SLC27A6: variants seen among roughly 807,000 people sequenced by gnomAD.
SLC27A6 encodes long-chain fatty acid transport protein 6.
SLC27A6 carries 74 observed loss-of-function variants against 63.9 expected under a neutral mutation model. The ratio of observed to expected loss-of-function variants is 1.16; its 90% CI spans 0.96 to 1.40. The LOEUF (loss-of-function observed/expected upper bound fraction) is 1.40, where lower values mean the gene tolerates loss of function less well. Among genes scored for constraint, SLC27A6 ranks in the 40% most tolerant of loss-of-function variants. The pLI is 0.00. For missense variants in SLC27A6, 794 were observed against 732.9 expected, an observed-to-expected ratio of 1.08 and a Z score of -0.96; for synonymous variants, 287 against 260.8, an observed-to-expected ratio of 1.10 and a Z score of -0.97.
intron 6 of SLC27A6, 53 bp downstream of exon 6, chr5:129,023,763 A>T: frequency 7.9e-7 from 1 of 1,264,176 alleles, no homozygotes. Context: ...GATCTCCTGT[A>T]TACAGACATC....
At chr5:128,967,210 T>C (rs1290820080) in intron 1 of SLC27A6, among the ~76,000 whole-genome samples, 2 of 151,978 alleles carry the variant, frequency 1.3e-5, no homozygotes, top group Admixed American at 6.6e-5. Context: ...CATCCTTTTC[T>C]TTTTTTGACT....
chr5:128,968,842 C>T (rs1018402748), intron 1 of SLC27A6, among the ~76,000 whole-genome samples: 2 of 152,170 alleles, frequency 1.3e-5, no homozygotes, highest in African/African-American at 4.8e-5. Flanking sequence ...CTTGCCCATG[C>T]CTATGTCCTG....
rs192749792 is a variant in SLC27A6 at position 129,024,525 on chromosome 5, T to C, written c.1255+815T>C. 1.1e-3 allele frequency among the ~76,000 whole-genome samples: 165 copies of C among 152,222 alleles called. No homozygotes were observed. The East Asian group carries it at 0.02, about 18-fold the overall frequency. On this transcript the variant is annotated intron_variant, in intron 6 of 9. Coordinates refer to ENST00000262462, the MANE Select transcript of SLC27A6 (RefSeq NM_001017372.3). The stretch of plus-strand genomic sequence containing the variant: ...ATTAAATGGGATGTATATATATTCC[T>C]GGGGGACCTGGTATGTGGCTTGTTA...
chr5:129,004,243 G>A (rs1410131866), intron 4 of SLC27A6, among the ~76,000 whole-genome samples: 1 of 152,076 alleles, frequency 6.6e-6, no homozygotes, highest in East Asian at 1.9e-4. Flanking sequence ...ACTGTGTTTA[G>A]GTTTCTATAA....
intron 9 of SLC27A6, among the ~76,000 whole-genome samples, chr5:129,032,500 A>G (rs964510561): frequency 2.0e-5 from 3 of 152,158 alleles, no homozygotes; most frequent in Non-Finnish European, 4.4e-5. Flanking sequence ...ACAAATTACT[A>G]TTGAAACTGT....
At chr5:129,010,814 C>T (rs533901125) in intron 4 of SLC27A6, among the ~76,000 whole-genome samples, 2 of 152,184 alleles carry the variant, frequency 1.3e-5, no homozygotes, top group East Asian at 3.9e-4. Context: ...GAGATACTTC[C>T]AAGAGTCTCC....
intron 6 of SLC27A6, among the ~76,000 whole-genome samples, chr5:129,025,216 T>G (rs1037008580): frequency 2.6e-5 from 4 of 152,170 alleles, no homozygotes; most frequent in African/African-American, 9.7e-5. Flanking sequence ...CATTGTGTCT[T>G]CACAATGTAA....
At chr5:128,968,236 C>G (rs1165411266) in intron 1 of SLC27A6, among the ~76,000 whole-genome samples, 2 of 152,118 alleles carry the variant, frequency 1.3e-5, no homozygotes, top group African/African-American at 4.8e-5. Flanking sequence ...GTGTGTGTGT[C>G]TTTATAGAGG....
intron 4 of SLC27A6, among the ~76,000 whole-genome samples, chr5:128,998,374 G>C (rs1350825570): frequency 6.6e-6 from 1 of 151,882 alleles, no homozygotes; most frequent in Non-Finnish European, 1.5e-5. Flanking sequence ...TAAAATTAGA[G>C]TAATTTTGTA....
At position 128,988,585 on chromosome 5, in the gene SLC27A6, T is replaced by G. The variant is rs567078857; in HGVS notation, c.686-15T>G. On this transcript the variant is annotated splice_polypyrimidine_tract_variant and intron_variant, in intron 2 of 9. Coordinates refer to ENST00000262462, the MANE Select transcript of SLC27A6 (RefSeq NM_001017372.3). ...TGTGTGTATATATATTTCCTGTTCT[T>G]TTCTTTTCTTCCAGGTCTACCAAAA... The G allele has an allele frequency of 3.7e-6, 6 of 1,610,516 alleles. No homozygotes were observed. In the Admixed American group the frequency reaches 8.4e-5, roughly 22 times the overall value.
At chr5:128,992,244 C>T (rs139406154) in intron 4 of SLC27A6, among the ~76,000 whole-genome samples, 41 of 143,718 alleles carry the variant, frequency 2.9e-4, no homozygotes, top group African/African-American at 1.1e-3. Flanking sequence ...CCTTTGAGAC[C>T]CACCTTTCCT....
rs373438689 is a variant in SLC27A6, at chr5:129,004,250, A to G, written c.970-11635A>G. On this transcript the variant is annotated intron_variant, in intron 4 of 9. Transcript: ENST00000262462. ...TGTGTCTTACTGTGTTTAGGTTTCTATAATGTCAGTTTGACTCTGTCTTTT... is the reference window on the plus strand; with the variant it reads ...TGTGTCTTACTGTGTTTAGGTTTCTGTAATGTCAGTTTGACTCTGTCTTTT... Among the ~76,000 whole-genome samples the G allele has an allele frequency of 5.9e-5, 9 of 152,216 alleles. 1 individual carries two copies. The highest frequency in any genetic ancestry group is 2.1e-4 in the South Asian group (1 of 4,820).
Position 128,983,289 on chromosome 5 carries a change from GT to G in SLC27A6, c.482-1824del, listed in dbSNP as rs1195794733. ...ACAGAACTTGAGCATTCTGATCCGG[GT>G]TTTTTTTTTTTTTTTTTTTGAGACA... On this transcript the variant is annotated intron_variant, in intron 1 of 9. Coordinates refer to ENST00000262462, the MANE Select transcript of SLC27A6 (RefSeq NM_001017372.3). 1.1e-3 allele frequency among the ~76,000 whole-genome samples: 123 copies of G among 111,112 alleles called. 1 individual carries two copies. Among genetic ancestry groups the G allele is most frequent in the African/African-American group, 3.1e-3 (92 of 29,234 alleles). The allele number at this position is 111,112 out of a possible 152,430, so 72.9% of individuals were successfully genotyped here. A position where few individuals can be genotyped will look rare whatever the true frequency, so the allele number is the denominator to read the frequency against.
At chr5:128,991,694 A>G (rs1353506836) in intron 4 of SLC27A6, among the ~76,000 whole-genome samples, 1 of 151,944 alleles carries the variant, frequency 6.6e-6, no homozygotes, top group Non-Finnish European at 1.5e-5. Context: ...TGATTATATT[A>G]GGATATCTTT....
chr5:128,997,236 A>C (rs1561621008), intron 4 of SLC27A6, among the ~76,000 whole-genome samples: 1 of 152,164 alleles, frequency 6.6e-6, no homozygotes, highest in Non-Finnish European at 1.5e-5. Context: ...TGTAGCTTTC[A>C]AAACAATTGA....
chr5:128,970,124 A>T (rs1426433681), intron 1 of SLC27A6, among the ~76,000 whole-genome samples: 1 of 147,890 alleles, frequency 6.8e-6, no homozygotes. Flanking sequence ...CCACTTGATC[A>T]TGGTGGATAA....
chr5:129,000,789 G>A (rs1418191017), intron 4 of SLC27A6, among the ~76,000 whole-genome samples: 1 of 152,144 alleles, frequency 6.6e-6, no homozygotes, highest in Non-Finnish European at 1.5e-5. Context: ...AGTTATTCAA[G>A]TTAGAGCCAA....
Position 129,023,657 on chromosome 5 carries a change from A to G in SLC27A6, c.1202A>G (p.Gln401Arg), listed in dbSNP as rs1752145896. 1.9e-6 allele frequency: 3 copies of G among 1,609,514 alleles called. No homozygotes were observed. In the Admixed American group the frequency reaches 5.1e-5, roughly 27 times the overall value. Residue 401 changes from glutamine to arginine, a missense_variant, in exon 6 of 10, where the codon CAG becomes CGG. Gln to Arg is a conservative substitution (Grantham distance 43, BLOSUM62 1). Coordinates refer to ENST00000262462, the MANE Select transcript of SLC27A6 (RefSeq NM_001017372.3). ...STFDLIKYDF[Q>R]KDEPMRNEQG... ...TTTGACTTAATAAAGTATGACTTTC[A>G]GAAAGATGAACCCATGAGAAATGAG... is the stretch of plus-strand genomic sequence containing the variant.
At chr5:129,007,456 A>T (rs1053947216) in intron 4 of SLC27A6, among the ~76,000 whole-genome samples, 1 of 148,086 alleles carries the variant, frequency 6.8e-6, no homozygotes, top group Non-Finnish European at 1.5e-5. Flanking sequence ...AAAAAAAAAA[A>T]AAAAAAAAAT....
Sources: allele counts gnomAD v4.1 joint callset (sites outside exome capture counted in the v4.1 genomes callset), GRCh38; gene constraint gnomAD v4.1.1; transcripts MANE v1.5; gene names NCBI Gene and HGNC (gene_info 2026-07-23, HGNC 2026-07-21).